BRMS1L: variants seen among roughly 807,000 people sequenced by gnomAD.
BRMS1L encodes BRMS1 like transcriptional repressor.
BRMS1L carries 23 observed loss-of-function variants against 50.3 expected under a neutral mutation model. That is an observed-to-expected ratio of 0.46 (90% CI 0.33 to 0.65). The LOEUF (loss-of-function observed/expected upper bound fraction) is 0.65. Ranked by LOEUF, BRMS1L falls within the 30% of genes least tolerant of loss-of-function variation. The probability of loss-of-function intolerance (pLI) is 0.02; values close to 1 mark genes in which losing one functional copy is unlikely to be tolerated. For missense variants in BRMS1L, 286 were observed against 386.1 expected (o/e 0.74, Z 2.17); for synonymous variants, 114 against 126.9 (o/e 0.90, Z 0.69).
intron 1 of BRMS1L, 52 bp downstream of exon 1, chr14:35,826,710 G>A (rs767661917): frequency 3.1e-6 from 5 of 1,594,210 alleles, no homozygotes; most frequent in Admixed American, 3.5e-5. Flanking sequence ...CGCGCGACAG[G>A]CCGCTCTCCG....
At chr14:35,870,243 A>G in intron 9 of BRMS1L, 117 bp from the exon 10 acceptor site, 1 of 619,806 alleles carries the variant, frequency 1.6e-6, no homozygotes, top group African/African-American at 1.9e-5. Flanking sequence ...AATGACAATT[A>G]TATACCTGAG....
At chr14:35,851,860 A>G (rs1326091743) in intron 4 of BRMS1L, among the ~76,000 whole-genome samples, 2 of 152,206 alleles carry the variant, frequency 1.3e-5, no homozygotes, top group Non-Finnish European at 2.9e-5. Context: ...TCCCTTGTTC[A>G]TTGTAGCATT....
Position 35,829,233 on chromosome 14 carries a change from C to T in BRMS1L, c.143-2177C>T, listed in dbSNP as rs144371374. Among the ~76,000 whole-genome samples the T allele has an allele frequency of 9.4e-3, 1,429 of 152,298 alleles. 7 individuals carry two copies. Among genetic ancestry groups the T allele is most frequent in the Non-Finnish European group, 0.011 (764 of 68,020 alleles). On this transcript the variant is annotated intron_variant, in intron 1 of 9. Transcript: ENST00000216807. ...CTGGGATTACAGGCGGGAGCCACTG[C>T]ACCTGGCCTGTTGGTGAATATGTTT...
chr14:35,827,717 CT>C (rs756659002), intron 1 of BRMS1L, among the ~76,000 whole-genome samples: 13 of 152,210 alleles, frequency 8.5e-5, no homozygotes, highest in Non-Finnish European at 1.6e-4. Context: ...TAAGTCACCA[CT>C]TGATTAAATT....
intron 3 of BRMS1L, 28 bp from the exon 4 acceptor site, chr14:35,834,816 T>G (rs1474675147): frequency 1.4e-6 from 2 of 1,428,970 alleles, no homozygotes; most frequent in Non-Finnish European, 1.9e-6. Flanking sequence ...ATTGCTAACA[T>G]AATCAGAGTA....
In BRMS1L at chr14:35,826,651, T is replaced by C. The variant is rs758444583; in HGVS notation, c.135T>C (p.Asp45=). 1 of 1,612,026 alleles carries C rather than the reference T, an allele frequency of 6.2e-7. No homozygotes were observed. The highest frequency in any genetic ancestry group is 1.1e-5 in the South Asian group (1 of 90,560). The stretch of plus-strand genomic sequence containing the variant: ...GCTCGTCGGTCTCCGAGGATGGAGA[T>C]AGCTCAGGTGCGCGACCCACTGCTG... The part of the protein sequence containing the change: ...TESSSVSEDG[D]SSEMDDEDCE... Residue 45 remains aspartate, a synonymous_variant, in exon 1 of 10, where the codon GAT becomes GAC. Transcript: ENST00000216807.
At chr14:35,847,662 T>C (rs557741133) in intron 4 of BRMS1L, among the ~76,000 whole-genome samples, 3 of 152,318 alleles carry the variant, frequency 2.0e-5, no homozygotes, top group Admixed American at 2.0e-4. Flanking sequence ...ATGGCAGATC[T>C]CTGGAACTTA....
At chr14:35,845,334 C>G (rs1269060245) in intron 4 of BRMS1L, among the ~76,000 whole-genome samples, 3 of 152,176 alleles carry the variant, frequency 2.0e-5, no homozygotes, top group Admixed American at 6.6e-5. Flanking sequence ...ATTTTTCCAA[C>G]AAGTATGATA....
chr14:35,864,862 T>C, intron 6 of BRMS1L, 73 bp from the exon 7 acceptor site: 1 of 1,069,248 alleles, frequency 9.4e-7, no homozygotes, highest in Non-Finnish European at 1.4e-6. Flanking sequence ...TTCCATTTTC[T>C]GAAATGTAGT....
rs1461202207 is a variant in BRMS1L, at chr14:35,870,513, G to A, written c.*36G>A. On this transcript the variant is annotated 3_prime_UTR_variant, in exon 10 of 10. Transcript: ENST00000216807. ...AGTGTTATCTAAATTTACCTTATTA[G>A]TGTTACCAAATGTAAGTGCCATGAG... is the stretch of plus-strand genomic sequence containing the variant. 7.5e-7 allele frequency: 1 copy of A among 1,334,030 alleles called. No individual in the cohort carries two copies. Among genetic ancestry groups the A allele is most frequent in the Non-Finnish European group, 1.1e-6 (1 of 942,372 alleles). 82.6% of individuals were successfully genotyped at this position (1,334,030 alleles called of 1,614,324 possible). A position where few individuals can be genotyped will look rare whatever the true frequency, so the allele number is the denominator to read the frequency against.
At chr14:35,853,169 A>T (rs2078235316) in intron 4 of BRMS1L, among the ~76,000 whole-genome samples, 1 of 152,134 alleles carries the variant, frequency 6.6e-6, no homozygotes. Context: ...ATTTTGTCTG[A>T]TAATTAAAAC....
intron 4 of BRMS1L, among the ~76,000 whole-genome samples, chr14:35,844,152 C>A (rs943411744): frequency 5.9e-5 from 9 of 152,126 alleles, no homozygotes; most frequent in Admixed American, 3.9e-4. Context: ...CTGAGCAAGA[C>A]CACTTGGCTC....
intron 4 of BRMS1L, among the ~76,000 whole-genome samples, chr14:35,835,758 T>C (rs725998): frequency 2.4e-4 from 36 of 152,236 alleles, no homozygotes; most frequent in Admixed American, 9.2e-4. Flanking sequence ...GGTGAGGGGA[T>C]TGCTTGACCT....
chr14:35,826,725 C>G (rs2142032981), intron 1 of BRMS1L, 67 bp downstream of exon 1: 1 of 1,578,954 alleles, frequency 6.3e-7, no homozygotes, highest in East Asian at 2.3e-5. Flanking sequence ...TCTCCGCACG[C>G]CAGGCGGCTG....
intron 4 of BRMS1L, among the ~76,000 whole-genome samples, chr14:35,862,021 A>G (rs1242546096): frequency 6.6e-6 from 1 of 152,184 alleles, no homozygotes; most frequent in African/African-American, 2.4e-5. Context: ...TAGCAATTCA[A>G]TCTGTCTATG....
intron 6 of BRMS1L, among the ~76,000 whole-genome samples, chr14:35,864,444 A>G (rs985991599): frequency 2.0e-5 from 3 of 151,998 alleles, no homozygotes; most frequent in African/African-American, 7.3e-5. Context: ...TATTTTTTGT[A>G]GAGATGGGGT....
At chr14:35,832,193 CTT>C (rs2077927847) in intron 2 of BRMS1L, among the ~76,000 whole-genome samples, 1 of 152,038 alleles carries the variant, frequency 6.6e-6, no homozygotes, top group South Asian at 2.1e-4. Context: ...TCTACTTCCT[CTT>C]TGCTCTTTTA....
In BRMS1L at chr14:35,826,662, C is replaced by A. The variant is rs12891057; in HGVS notation, c.142+4C>A. 1.9e-4 allele frequency: 313 copies of A among 1,610,932 alleles called. 1 individual carries two copies. Among genetic ancestry groups the A allele is most frequent in the Non-Finnish European group, 2.4e-4 (285 of 1,179,258 alleles). ...TCCGAGGATGGAGATAGCTCAGGTG[C>A]GCGACCCACTGCTGGGACCCTGAGT... On this transcript the variant is annotated splice_donor_region_variant and intron_variant, in intron 1 of 9. Coordinates refer to ENST00000216807, the MANE Select transcript of BRMS1L (RefSeq NM_032352.4).
intron 8 of BRMS1L, among the ~76,000 whole-genome samples, chr14:35,867,346 T>G (rs2078434920): frequency 6.6e-6 from 1 of 152,192 alleles, no homozygotes; most frequent in Non-Finnish European, 1.5e-5. Context: ...TTTGAATGAC[T>G]TCATGGTATG....
Sources: allele counts gnomAD v4.1 joint callset (sites outside exome capture counted in the v4.1 genomes callset), GRCh38; gene constraint gnomAD v4.1.1; transcripts MANE v1.5; gene names NCBI Gene and HGNC (gene_info 2026-07-23, HGNC 2026-07-21).